Variants in LPIN3 observed in about 807,000 individuals in gnomAD.
LPIN3 encodes lipin 3, also known as phosphatidate phosphatase LPIN3.
LPIN3 carries 82 observed loss-of-function variants against 94.7 expected under a neutral mutation model. The ratio of observed to expected loss-of-function variants is 0.87; its 90% CI spans 0.72 to 1.04. LPIN3 has a LOEUF of 1.04. LPIN3 is among the 50% of genes least tolerant of loss of function. LPIN3 has a pLI of 0.00. For missense variants in LPIN3, 996 were observed against 1,090.5 expected, an observed-to-expected ratio of 0.91 and a Z score of 1.22; for synonymous variants, 418 against 443.3, an observed-to-expected ratio of 0.94 and a Z score of 0.72.
Position 41,358,494 on chromosome 20 carries a change from A to G in LPIN3, c.2363A>G (p.Asn788Ser), listed in dbSNP as rs780736528. 9 of 1,613,566 alleles carry G rather than the reference A, an allele frequency of 5.6e-6. No homozygotes were observed. The South Asian group carries it at 6.6e-5, about 12-fold the overall frequency. ...CCTGAGTCACGCATCTTCACAGTCA[A>G]CCCCCGGGGAGAGCTCATCCAGGAG... ...GLPESRIFTV[N>S]PRGELIQELI... The change falls in exon 19 of 20, where the codon AAC (asparagine) becomes AGC (serine). Residue 788 changes from asparagine (N) to serine (S), a missense_variant. Physicochemically the swap from Asn to Ser is conservative, Grantham distance 46 (BLOSUM62 1). Transcript: ENST00000373257.
intron 18 of LPIN3, 34 bp from the exon 19 acceptor site, chr20:41,358,404 GC>G: frequency 6.2e-7 from 1 of 1,613,332 alleles, no homozygotes; most frequent in Non-Finnish European, 8.5e-7. Flanking sequence ...CTGCCTGCAG[GC>G]CTCCATTCCA....
chr20:41,351,701 A>G (rs781526554), intron 7 of LPIN3, 120 bp from the exon 8 acceptor site: 10 of 783,010 alleles, frequency 1.3e-5, no homozygotes, highest in East Asian at 2.6e-5. Flanking sequence ...GGACATTTGT[A>G]TCACTGCAGA....
rs141715302 is a variant in LPIN3 at position 41,350,306 on chromosome 20, G to T, written c.1011G>T (p.Met337Ile). 3.2e-4 allele frequency: 521 copies of T among 1,612,314 alleles called. No individual in the cohort carries two copies. The highest frequency in any genetic ancestry group is 4.1e-4 in the Non-Finnish European group (486 of 1,178,778). ...EESKTQSSGD[M>I]GLPPASKSWS... Reference sequence around the variant, plus strand: ...GCAAGACTCAGAGCTCTGGGGACATGGGCCTCCCTCCTGCCTCCAAGTCAT... The same window carrying T: ...GCAAGACTCAGAGCTCTGGGGACATTGGCCTCCCTCCTGCCTCCAAGTCAT... Residue 337 changes from methionine (M) to isoleucine (I), a missense_variant, in exon 7 of 20, where the codon ATG (methionine) becomes ATT (isoleucine). Coordinates refer to ENST00000373257, the MANE Select transcript of LPIN3 (RefSeq NM_022896.3).
In LPIN3 at chr20:41,348,103, G is replaced by C. The variant is rs550476371; in HGVS notation, c.288+456G>C. Among the ~76,000 whole-genome samples the C allele has an allele frequency of 1.5e-3, 223 of 152,296 alleles. 1 individual carries two copies. Among genetic ancestry groups the C allele is most frequent in the Non-Finnish European group, 2.5e-3 (172 of 68,026 alleles). On this transcript the variant is annotated intron_variant, in intron 3 of 19. Coordinates refer to ENST00000373257, the MANE Select transcript of LPIN3 (RefSeq NM_022896.3). ...GCAGGGCCCAGCAGAAGCCAGCAGA[G>C]GAGTTGAAACAGAACTTGAAAAACT... is the stretch of plus-strand genomic sequence containing the variant.
chr20:41,343,207 A>T (rs542954884), intron 1 of LPIN3, among the ~76,000 whole-genome samples: 34 of 152,206 alleles, frequency 2.2e-4, no homozygotes, highest in Non-Finnish European at 3.7e-4. Flanking sequence ...CTAGGGCTTA[A>T]TAGGGCAGAA....
intron 11 of LPIN3, among the ~76,000 whole-genome samples, chr20:41,353,913 A>G (rs2046115477): frequency 6.6e-6 from 1 of 152,022 alleles, no homozygotes; most frequent in Admixed American, 6.6e-5. Flanking sequence ...CCCTGCTTGG[A>G]TCTCCTCACC....
intron 2 of LPIN3, 150 bp from the exon 3 acceptor site, chr20:41,347,402 G>A: frequency 3.0e-6 from 2 of 670,930 alleles, no homozygotes; most frequent in Non-Finnish European, 5.2e-6. Flanking sequence ...TTCGTGGGGA[G>A]CAGCCAGGCA....
In LPIN3 at chr20:41,359,143, T is replaced by TG. The variant is rs1490253025; in HGVS notation, c.*277_*278insG. On this transcript the variant is annotated 3_prime_UTR_variant, in exon 20 of 20. Transcript: ENST00000373257. Reference sequence around the variant, plus strand: ...GGGTTCTTTTTTTTTTTTTTTTTTTTTTTTTCCTGAGACAGGGTCTTGTTC... The same window carrying TG: ...GGGTTCTTTTTTTTTTTTTTTTTTTTGTTTTTCCTGAGACAGGGTCTTGTTC... The TG allele has an allele frequency of 3.7e-6, 1 of 273,130 alleles. No homozygotes were observed. Among genetic ancestry groups the TG allele is most frequent in the East Asian group, 6.8e-5 (1 of 14,732 alleles). 16.9% of individuals were successfully genotyped at this position (273,130 alleles called of 1,614,324 possible).
At chr20:41,351,477 A>G (rs1378973208) in intron 7 of LPIN3, among the ~76,000 whole-genome samples, 1 of 151,116 alleles carries the variant, frequency 6.6e-6, no homozygotes, top group Non-Finnish European at 1.5e-5. Context: ...TTGTATTTTT[A>G]GTAGAAATGG....
chr20:41,345,608 T>C (rs2045739912), intron 1 of LPIN3, among the ~76,000 whole-genome samples, 188 bp from the exon 2 acceptor site: 2 of 152,220 alleles, frequency 1.3e-5, no homozygotes, highest in South Asian at 4.1e-4. Context: ...AGCAGGGCAG[T>C]GGGCAAGCTG....
At chr20:41,358,216 C>T (rs1386719000) in intron 17 of LPIN3, 21 bp from the exon 18 acceptor site, 1 of 1,611,468 alleles carries the variant, frequency 6.2e-7, no homozygotes, top group Admixed American at 1.7e-5. Context: ...CCCTTCCCTG[C>T]TGTGGTTCTG....
intron 1 of LPIN3, among the ~76,000 whole-genome samples, chr20:41,341,512 G>A (rs2045578407): frequency 6.6e-6 from 1 of 152,196 alleles, no homozygotes; most frequent in Admixed American, 6.5e-5. Context: ...GAGCCCCGAG[G>A]GCTGAGAGCC....
Position 41,358,803 on chromosome 20 carries a change from A to G in LPIN3, c.2493A>G (p.Glu831=). The change falls in exon 20 of 20, where the codon GAA becomes GAG. Residue 831 remains glutamate (E), a synonymous_variant. Transcript: ENST00000373257. ...CCAGCACAGACCTGGCCAACCCTGA[A>G]TACAGTAACTTCTGCTACTGGCGGG... ...RGPSTDLANP[E]YSNFCYWREP... The G allele has an allele frequency of 6.2e-7, 1 of 1,614,008 alleles. No individual in the cohort carries two copies. The highest frequency in any genetic ancestry group is 8.5e-7 in the Non-Finnish European group (1 of 1,179,994).
At chr20:41,354,988 C>T in intron 13 of LPIN3, 125 bp downstream of exon 13, 1 of 867,056 alleles carries the variant, frequency 1.2e-6, no homozygotes, top group South Asian at 1.9e-5. Flanking sequence ...TTTGTCATTC[C>T]TCAAGCACCA....
At chr20:41,351,233 C>A (rs1441130246) in intron 7 of LPIN3, among the ~76,000 whole-genome samples, 2 of 151,126 alleles carry the variant, frequency 1.3e-5, no homozygotes, top group African/African-American at 4.9e-5. Context: ...TGCACTCCAG[C>A]CTGGGTGACA....
rs1324013167 is a variant in LPIN3 at position 41,357,144 on chromosome 20, GGAC to G, written c.1912_1914del (p.Asp638del). 7.4e-6 allele frequency: 12 copies of G among 1,614,050 alleles called. No homozygotes were observed. In the East Asian group the frequency reaches 2.5e-4, roughly 33 times the overall value. ...AGGCCACCATCTACCTGTGGAAATG[GGAC>G]GACAAGGTGGTCATCTCTGACATCG... On this transcript the variant is annotated inframe_deletion, in exon 15 of 20. Transcript: ENST00000373257.
At chr20:41,353,626 C>A (rs2046103508) in intron 11 of LPIN3, among the ~76,000 whole-genome samples, 1 of 152,212 alleles carries the variant, frequency 6.6e-6, no homozygotes, top group South Asian at 2.1e-4. Flanking sequence ...TTACTCTTCC[C>A]AGAACCTCTT....
chr20:41,349,467 C>A (rs548540790), intron 5 of LPIN3, among the ~76,000 whole-genome samples: 1 of 152,206 alleles, frequency 6.6e-6, no homozygotes, highest in East Asian at 1.9e-4. Context: ...TCCCATCCCC[C>A]AAATGGAAAC....
intron 19 of LPIN3, 61 bp from the exon 20 acceptor site, chr20:41,358,661 A>T: frequency 6.2e-7 from 1 of 1,606,950 alleles, no homozygotes; most frequent in Non-Finnish European, 8.5e-7. Context: ...GGACAGACCC[A>T]TGGCCAAGGC....
Sources: gnomAD v4.1 joint callset for allele counts (sites outside exome capture counted in the v4.1 genomes callset) on GRCh38, gnomAD v4.1.1 for gene constraint, MANE v1.5 for transcripts, NCBI Gene and HGNC (gene_info 2026-07-23, HGNC 2026-07-21) for gene names.